Variants in ATP6V1C2 observed in about 807,000 individuals in gnomAD.
ATP6V1C2 encodes the protein ATPase H+ transporting V1 subunit C2, also known as V-type proton ATPase subunit C 2.
Under a neutral mutation model 56.8 loss-of-function variants are expected in ATP6V1C2, and 45 were observed. The observed-to-expected ratio is 0.79, with a 90% confidence interval of 0.62 to 1.02. The LOEUF (loss-of-function observed/expected upper bound fraction) is 1.02. Ranked by LOEUF, ATP6V1C2 falls within the 50% of genes least tolerant of loss-of-function variation. The pLI is 0.00. For missense variants in ATP6V1C2, 463 were observed against 519.7 expected, an observed-to-expected ratio of 0.89 and a Z score of 1.06; for synonymous variants, 220 against 201.3, an observed-to-expected ratio of 1.09 and a Z score of -0.79.
At chr2:10,727,216 C>T (rs1186763683) in intron 3 of ATP6V1C2, among the ~76,000 whole-genome samples, 1 of 151,900 alleles carries the variant, frequency 6.6e-6, no homozygotes. Context: ...ACTACAGACA[C>T]CCTCCACCAT....
intron 3 of ATP6V1C2, among the ~76,000 whole-genome samples, chr2:10,738,890 C>T (rs1458569072): frequency 6.6e-6 from 1 of 152,180 alleles, no homozygotes; most frequent in Non-Finnish European, 1.5e-5. Flanking sequence ...GTCCTGTGGG[C>T]TCCACCTCCA....
intron 10 of ATP6V1C2, among the ~76,000 whole-genome samples, chr2:10,776,481 A>G (rs1195093456): frequency 6.6e-6 from 1 of 152,156 alleles, no homozygotes; most frequent in Non-Finnish European, 1.5e-5. Flanking sequence ...CCACAGACCC[A>G]GACACCAGGC....
Position 10,774,845 on chromosome 2 carries a change from G to C in ATP6V1C2, c.696G>C (p.Val232=). Residue 232 remains valine, a synonymous_variant, in exon 9 of 14, where the codon GTG becomes GTC. Transcript: ENST00000272238. The part of the protein sequence containing the change: ...GLFTVTLFRK[V]IEDFKTKAKE... ...TCACTGTGACTCTGTTTCGAAAAGTGATTGAAGATTTCAAAACCAAGGCCA... is the reference window on the plus strand; with the variant it reads ...TCACTGTGACTCTGTTTCGAAAAGTCATTGAAGATTTCAAAACCAAGGCCA... 1 of 1,614,214 alleles carries C rather than the reference G, an allele frequency of 6.2e-7. No homozygotes were observed.
chr2:10,763,250 G>T lies in ATP6V1C2; in HGVS notation c.284-1081G>T, dbSNP rs1184847516. 1.3e-5 allele frequency among the ~76,000 whole-genome samples: 2 copies of T among 152,068 alleles called. No individual in the cohort carries two copies. The highest frequency in any genetic ancestry group is 2.4e-5 in the African/African-American group (1 of 41,414). On this transcript the variant is annotated intron_variant, in intron 4 of 13. Coordinates refer to ENST00000272238, the MANE Select transcript of ATP6V1C2 (RefSeq NM_001039362.2). This position sits in a 1 kb window ranked among gnomAD's most constrained non-coding sequence, Gnocchi z 4.2. ...CTGACACCCGGCGCCCTCCATCACC[G>T]GCCACACGGCCACCTCCTCTTCCCC...
intron 4 of ATP6V1C2, chr2:10,757,466 G>T (rs895926760): frequency 2.5e-6 from 1 of 398,528 alleles, no homozygotes; most frequent in African/African-American, 2.1e-5. Context: ...AGTAGGTTAT[G>T]CATTGTTTGC....
At chr2:10,739,700 G>C (rs1451118848) in intron 3 of ATP6V1C2, among the ~76,000 whole-genome samples, 2 of 152,142 alleles carry the variant, frequency 1.3e-5, no homozygotes, top group African/African-American at 4.8e-5. Context: ...CACTGTATAA[G>C]TTATCTTTGC....
intron 8 of ATP6V1C2, among the ~76,000 whole-genome samples, chr2:10,773,982 G>A (rs967035016): frequency 3.3e-5 from 5 of 152,250 alleles, no homozygotes; most frequent in Non-Finnish European, 7.3e-5. Context: ...CTTGAAGCCA[G>A]TGTGCTGGCA....
intron 5 of ATP6V1C2, among the ~76,000 whole-genome samples, chr2:10,765,632 T>C (rs139069904): frequency 1.3e-5 from 2 of 152,358 alleles, no homozygotes; most frequent in Admixed American, 1.3e-4. Flanking sequence ...AGGCCCCTGC[T>C]GGGACGATCA....
chr2:10,769,404 T>C (rs1572593447), intron 6 of ATP6V1C2, among the ~76,000 whole-genome samples: 1 of 151,880 alleles, frequency 6.6e-6, no homozygotes, highest in African/African-American at 2.4e-5. Context: ...TTGTTGGAGG[T>C]GTGTAAGAGA....
chr2:10,722,719 A>AT (rs1661433758), intron 1 of ATP6V1C2, 105 bp from the exon 2 acceptor site: 1 of 1,285,950 alleles, frequency 7.8e-7, no homozygotes. Flanking sequence ...CTTGGAGCTC[A>AT]TCCTAGAAAG....
intron 3 of ATP6V1C2, among the ~76,000 whole-genome samples, chr2:10,748,826 T>G (rs1322002153): frequency 6.6e-6 from 1 of 152,096 alleles, no homozygotes; most frequent in East Asian, 1.9e-4. Flanking sequence ...CTCAAAACTT[T>G]TTCTCAAGAA....
chr2:10,733,942 G>C (rs1662111102), intron 3 of ATP6V1C2, among the ~76,000 whole-genome samples: 1 of 152,140 alleles, frequency 6.6e-6, no homozygotes, highest in South Asian at 2.1e-4. Flanking sequence ...TCATAGCTGA[G>C]TGTGGATGTC....
rs190120105 is a variant in ATP6V1C2, at chr2:10,770,403, A to G, written c.471-1436A>G. On this transcript the variant is annotated intron_variant, in intron 6 of 13. Transcript: ENST00000272238. ...ACAAGAGTGAAACTCCATCTCAAAC[A>G]AAAAAGCCCACTTCAACTGGAAACC... 2.2e-3 allele frequency among the ~76,000 whole-genome samples: 340 copies of G among 152,334 alleles called. 1 individual carries two copies. The highest frequency in any genetic ancestry group is 7.3e-3 in the African/African-American group (304 of 41,574).
chr2:10,754,143 C>G lies in ATP6V1C2; in HGVS notation c.283+77C>G. ...ACCAGAGTCGTCCTTGCTGTGGCCA[C>G]ACAGCAATCACCGAGATGGCCCAGG... On this transcript the variant is annotated intron_variant, in intron 4 of 13. Transcript: ENST00000272238. 3 of 1,246,646 alleles carry G rather than the reference C, an allele frequency of 2.4e-6. No homozygotes were observed. In the East Asian group the frequency reaches 7.6e-5, roughly 32 times the overall value. The allele number at this position is 1,246,646 out of a possible 1,614,324, so 77.2% of individuals were successfully genotyped here.
intron 4 of ATP6V1C2, among the ~76,000 whole-genome samples, chr2:10,756,572 G>T (rs1572560987): frequency 6.6e-6 from 1 of 151,978 alleles, no homozygotes; most frequent in Non-Finnish European, 1.5e-5. Context: ...ACAAAAATTA[G>T]CTGGGTGTGG....
chr2:10,748,433 A>AT (rs375768140), intron 3 of ATP6V1C2, among the ~76,000 whole-genome samples: 44 of 149,522 alleles, frequency 2.9e-4, no homozygotes, highest in African/African-American at 7.6e-4. Context: ...ATCTGCTTAA[A>AT]TTTTTTTTTT....
intron 4 of ATP6V1C2, among the ~76,000 whole-genome samples, chr2:10,761,521 G>A (rs1663903400): frequency 1.3e-5 from 2 of 152,154 alleles, no homozygotes; most frequent in East Asian, 3.9e-4. Context: ...CAATACCAAA[G>A]CCTGTATTAA....
intron 3 of ATP6V1C2, among the ~76,000 whole-genome samples, chr2:10,750,460 A>C (rs184669474): frequency 6.6e-6 from 1 of 151,962 alleles, no homozygotes; most frequent in Admixed American, 6.6e-5. Context: ...AAGTTGCAGT[A>C]AGCCGAGATA....
intron 3 of ATP6V1C2, among the ~76,000 whole-genome samples, chr2:10,729,425 A>G (rs1447046815): frequency 6.6e-6 from 1 of 152,132 alleles, no homozygotes; most frequent in Non-Finnish European, 1.5e-5. Flanking sequence ...GCATTTATAG[A>G]TCATAGAATA....
Sources: allele counts gnomAD v4.1 joint callset (sites outside exome capture counted in the v4.1 genomes callset), GRCh38; gene constraint gnomAD v4.1.1; non-coding constraint Gnocchi (gnomAD v3.1); transcripts MANE v1.5; gene names NCBI Gene and HGNC (gene_info 2026-07-23, HGNC 2026-07-21).